The following AUTS2 variants were observed in gnomAD, a reference collection of about 807,000 sequenced individuals.
The protein encoded by AUTS2 is autism susceptibility gene 2 protein.
A neutral mutation model predicts 112.4 loss-of-function variants in AUTS2; 17 were observed. That is an observed-to-expected ratio of 0.15 (90% CI 0.10 to 0.23). AUTS2 has a LOEUF of 0.23. AUTS2 is among the 10% of genes least tolerant of loss of function. The pLI is 1.00. For synonymous variants in AUTS2, 751 were observed against 702.7 expected (o/e 1.07, Z -1.09); for missense variants, 1,510 against 1,701.6 (o/e 0.89, Z 1.98).
At chr7:69,988,089 T>C (rs1487303717) in intron 2 of AUTS2, among the ~76,000 whole-genome samples, 1 of 152,180 alleles carries the variant, frequency 6.6e-6, no homozygotes, top group Non-Finnish European at 1.5e-5. Context: ...TTCAGAGATG[T>C]GGTAAGTGCC....
chr7:69,632,318 G>A (rs1429814130), intron 1 of AUTS2, among the ~76,000 whole-genome samples: 1 of 152,018 alleles, frequency 6.6e-6, no homozygotes, highest in Non-Finnish European at 1.5e-5. Context: ...GCCATTACCC[G>A]GCATACTGAG....
At chr7:70,233,885 G>A (rs887938604) in intron 4 of AUTS2, among the ~76,000 whole-genome samples, 2 of 152,222 alleles carry the variant, frequency 1.3e-5, no homozygotes, top group East Asian at 3.9e-4. Flanking sequence ...TTACCGCAAG[G>A]GTTAAATTTG....
chr7:69,898,408 T>C (rs1243861010), intron 1 of AUTS2, among the ~76,000 whole-genome samples: 1 of 152,162 alleles, frequency 6.6e-6, no homozygotes, highest in Non-Finnish European at 1.5e-5. Flanking sequence ...GTTTGTTTGA[T>C]GTTCTGAGAG....
At chr7:70,580,657 G>A (rs889939739) in intron 5 of AUTS2, among the ~76,000 whole-genome samples, 4 of 152,182 alleles carry the variant, frequency 2.6e-5, no homozygotes, top group Non-Finnish European at 4.4e-5. Context: ...TTGCTTGGGT[G>A]TGCAGGGAGA....
At chr7:69,877,175 A>G (rs1259195782) in intron 1 of AUTS2, among the ~76,000 whole-genome samples, 1 of 152,172 alleles carries the variant, frequency 6.6e-6, no homozygotes, top group African/African-American at 2.4e-5. Flanking sequence ...GCCTTGATTT[A>G]TAATGTCTAG....
chr7:69,821,391 A>G (rs534340438), intron 1 of AUTS2, among the ~76,000 whole-genome samples: 26 of 152,228 alleles, frequency 1.7e-4, no homozygotes, highest in African/African-American at 5.3e-4. Flanking sequence ...AAATGCACCA[A>G]TCGGCACTCT....
chr7:69,604,196 C>T (rs1360283960), intron 1 of AUTS2, among the ~76,000 whole-genome samples: 1 of 152,146 alleles, frequency 6.6e-6, no homozygotes, highest in East Asian at 1.9e-4. Context: ...AGGGCTTCCC[C>T]CACACATCAG....
At chr7:69,631,808 TA>T (rs1227473503) in intron 1 of AUTS2, among the ~76,000 whole-genome samples, 1 of 152,230 alleles carries the variant, frequency 6.6e-6, no homozygotes, top group Non-Finnish European at 1.5e-5. Context: ...AGAACATCTT[TA>T]ACTGCTGTGG....
Position 69,891,247 on chromosome 7 carries a change from G to T in AUTS2, c.310-8039G>T, listed in dbSNP as rs545895366. On this transcript the variant is annotated intron_variant, in intron 1 of 18. Transcript: ENST00000342771. The stretch of plus-strand genomic sequence containing the variant: ...GATCATACATAATATAATCTTTTCC[G>T]TCTGATTTCTTTCACTTGGCATACT... Among the ~76,000 whole-genome samples the T allele has an allele frequency of 1.6e-4, 24 of 152,202 alleles. No homozygotes were observed. In the East Asian group the frequency reaches 2.7e-3, roughly 17 times the overall value.
chr7:70,584,078 C>T (rs1372358953), intron 5 of AUTS2, among the ~76,000 whole-genome samples: 1 of 152,158 alleles, frequency 6.6e-6, no homozygotes, highest in African/African-American at 2.4e-5. Context: ...TTGTTTGTTA[C>T]GGTGTGAAAA....
At chr7:69,962,435 A>T (rs1161733985) in intron 2 of AUTS2, among the ~76,000 whole-genome samples, 1 of 152,186 alleles carries the variant, frequency 6.6e-6, no homozygotes, top group African/African-American at 2.4e-5. Flanking sequence ...GTACACATTT[A>T]TCATGGGATG....
intron 1 of AUTS2, among the ~76,000 whole-genome samples, chr7:69,818,878 G>A (rs1397506600): frequency 2.0e-5 from 3 of 152,134 alleles, no homozygotes; most frequent in South Asian, 2.1e-4. Context: ...GATATTTATC[G>A]CCTCATGGGC....
chr7:70,609,596 G>A (rs1192348402), intron 5 of AUTS2, among the ~76,000 whole-genome samples: 1 of 141,116 alleles, frequency 7.1e-6, no homozygotes, highest in Admixed American at 7.0e-5. Context: ...TTTTTTTGTT[G>A]TTTTGTTTTT....
chr7:69,909,831 A>G (rs2129541671), intron 2 of AUTS2, among the ~76,000 whole-genome samples: 2 of 152,338 alleles, frequency 1.3e-5, no homozygotes, highest in South Asian at 4.1e-4. Context: ...GAGGCCAAAA[A>G]TGCTATTTTC....
intron 1 of AUTS2, among the ~76,000 whole-genome samples, chr7:69,675,001 C>G (rs190948170): frequency 6.6e-6 from 1 of 152,278 alleles, no homozygotes; most frequent in African/African-American, 2.4e-5. Context: ...GTCTTTAACC[C>G]TGTGACTGAC....
At chr7:69,952,279 A>G (rs1219866976) in intron 2 of AUTS2, among the ~76,000 whole-genome samples, 1 of 152,192 alleles carries the variant, frequency 6.6e-6, no homozygotes, top group Non-Finnish European at 1.5e-5. Flanking sequence ...AATTAACCAA[A>G]TGAAAGTAAT....
At chr7:69,935,211 C>T (rs1230076640) in intron 2 of AUTS2, among the ~76,000 whole-genome samples, 3 of 152,026 alleles carry the variant, frequency 2.0e-5, no homozygotes, top group African/African-American at 7.2e-5. Context: ...AGGTGCATGC[C>T]AGGAGAGAGT....
intron 4 of AUTS2, among the ~76,000 whole-genome samples, chr7:70,256,572 G>A (rs1308930158): frequency 6.6e-6 from 1 of 152,172 alleles, no homozygotes; most frequent in Non-Finnish European, 1.5e-5. Context: ...GTCTGTCAGG[G>A]CTGCCCCAGA....
intron 6 of AUTS2, among the ~76,000 whole-genome samples, chr7:70,709,246 C>T (rs1019394141): frequency 1.6e-4 from 25 of 151,990 alleles, no homozygotes; most frequent in African/African-American, 6.0e-4. Flanking sequence ...CAGGTTGGCC[C>T]ACCGCAAGGA....
Sources: allele counts gnomAD v4.1 joint callset (sites outside exome capture counted in the v4.1 genomes callset), GRCh38; gene constraint gnomAD v4.1.1; transcripts MANE v1.5; gene names NCBI Gene and HGNC (gene_info 2026-07-23, HGNC 2026-07-21).